Variants in PTPRN2 observed in about 807,000 individuals in gnomAD.
PTPRN2 encodes the protein protein tyrosine phosphatase receptor type N2.
A neutral mutation model predicts 118.8 loss-of-function variants in PTPRN2; 74 were observed. The observed-to-expected ratio is 0.62, with a 90% CI of 0.52 to 0.76. PTPRN2 has a LOEUF of 0.76. Ranked by LOEUF, PTPRN2 falls within the 30% of genes least tolerant of loss-of-function variation. PTPRN2 has a pLI of 0.00. For missense variants in PTPRN2, 1,481 were observed against 1,394.4 expected (o/e 1.06, Z -0.99); for synonymous variants, 641 against 608.0 (o/e 1.05, Z -0.80).
intron 11 of PTPRN2, among the ~76,000 whole-genome samples, chr7:158,066,983 G>A (rs1386003539): frequency 2.0e-5 from 3 of 152,152 alleles, no homozygotes; most frequent in Non-Finnish European, 4.4e-5. Context: ...ATTACAGTAG[G>A]GAGTAGTTAT....
intron 3 of PTPRN2, among the ~76,000 whole-genome samples, chr7:158,258,260 C>T (rs73176136): frequency 0.24 from 36,126 of 152,126 alleles, 4,641 homozygotes; most frequent in Middle Eastern, 0.32. Flanking sequence ...GAACACAGGC[C>T]GTCCTGAATC....
intron 11 of PTPRN2, among the ~76,000 whole-genome samples, chr7:157,928,434 A>G (rs1273409312): frequency 6.6e-6 from 1 of 152,128 alleles, no homozygotes; most frequent in East Asian, 1.9e-4. Flanking sequence ...GAAAAATGGT[A>G]GGCCCTGAAC....
intron 19 of PTPRN2, among the ~76,000 whole-genome samples, chr7:157,574,104 T>G (rs1375935347): frequency 6.6e-6 from 1 of 152,188 alleles, no homozygotes; most frequent in African/African-American, 2.4e-5. Flanking sequence ...GCCGTCTCAT[T>G]TGACTCCATC....
intron 9 of PTPRN2, among the ~76,000 whole-genome samples, chr7:158,116,334 C>A (rs189127337): frequency 7.2e-5 from 11 of 152,220 alleles, no homozygotes; most frequent in Non-Finnish European, 1.3e-4. Context: ...TCCCACCTGA[C>A]AACACTGTGC....
chr7:157,594,284 G>A (rs958732101), intron 17 of PTPRN2, among the ~76,000 whole-genome samples: 1 of 152,254 alleles, frequency 6.6e-6, no homozygotes, highest in South Asian at 2.1e-4. Context: ...GGAATAGGAA[G>A]AGCCTGGGGC....
chr7:158,311,188 A>G (rs1170338406), intron 3 of PTPRN2, among the ~76,000 whole-genome samples: 2 of 152,228 alleles, frequency 1.3e-5, no homozygotes. Flanking sequence ...CCCGGATGCC[A>G]TCCCAGCCAG....
intron 12 of PTPRN2, among the ~76,000 whole-genome samples, chr7:157,844,832 G>A (rs1163531577): frequency 6.6e-6 from 1 of 152,240 alleles, no homozygotes; most frequent in Non-Finnish European, 1.5e-5. Flanking sequence ...GTTAGCATCT[G>A]TGGTGTTCTG....
At chr7:157,709,808 C>A (rs1001106626) in intron 12 of PTPRN2, among the ~76,000 whole-genome samples, 2 of 152,198 alleles carry the variant, frequency 1.3e-5, no homozygotes. Flanking sequence ...ACATACAAGT[C>A]GGATATTCTG....
chr7:158,123,956 A>C (rs1258415076), intron 9 of PTPRN2, among the ~76,000 whole-genome samples: 1 of 148,654 alleles, frequency 6.7e-6, no homozygotes, highest in African/African-American at 2.5e-5. Context: ...ACCCAGGCGG[A>C]GCTGGTTCTC....
intron 11 of PTPRN2, among the ~76,000 whole-genome samples, chr7:157,908,105 C>T (rs779401254): frequency 6.6e-6 from 1 of 152,352 alleles, no homozygotes; most frequent in East Asian, 1.9e-4. Context: ...CACATGGGAC[C>T]GGCCGGCGTC....
intron 11 of PTPRN2, among the ~76,000 whole-genome samples, chr7:158,050,925 C>A (rs1809277100): frequency 6.6e-6 from 1 of 152,236 alleles, no homozygotes; most frequent in Non-Finnish European, 1.5e-5. Context: ...GTGCTCTCCC[C>A]ACGGCAGGAG....
At chr7:158,532,682 G>C (rs1485190758) in intron 1 of PTPRN2, 1 of 532,590 alleles carries the variant, frequency 1.9e-6, no homozygotes, top group Non-Finnish European at 3.9e-6. Flanking sequence ...CATGGAACAT[G>C]GCAAAAAATA....
chr7:157,942,803 A>C (rs946982669), intron 11 of PTPRN2, among the ~76,000 whole-genome samples: 1 of 152,130 alleles, frequency 6.6e-6, no homozygotes, highest in Non-Finnish European at 1.5e-5. Flanking sequence ...GATGACAGGC[A>C]GTGGCAGGGG....
At chr7:157,589,542 G>A (rs999247397) in intron 17 of PTPRN2, among the ~76,000 whole-genome samples, 5 of 152,130 alleles carry the variant, frequency 3.3e-5, no homozygotes, top group Admixed American at 6.5e-5. Context: ...TCCTCCTCTC[G>A]TCTTCCTTCC....
chr7:158,269,759 GACAGAGGA>G (rs1241005554), intron 3 of PTPRN2, among the ~76,000 whole-genome samples: 1 of 151,684 alleles, frequency 6.6e-6, no homozygotes, highest in Non-Finnish European at 1.5e-5. Context: ...GAGAGACAGA[GACAGAGGA>G]ACAGAGACAG....
chr7:158,167,232 G>C lies in PTPRN2; in HGVS notation c.609C>G (p.Thr203=), dbSNP rs563582910. 1 of 1,613,306 alleles carries C rather than the reference G, an allele frequency of 6.2e-7. No homozygotes were observed. The highest frequency in any genetic ancestry group is 1.7e-5 in the Admixed American group (1 of 59,982). Residue 203 remains threonine, a synonymous_variant, in exon 6 of 23, where the codon ACC becomes ACG. Coordinates refer to ENST00000389418, the MANE Select transcript of PTPRN2 (RefSeq NM_002847.5). ...LTYVAHTSAL[T]YPPGSRTQLR... is the part of the protein sequence containing the mutation. ...GCTGGGTCCGGGACCCGGGAGGGTAGGTCAGCGCAGACGTGTGGGCCACAT... is the reference window on the plus strand; with the variant it reads ...GCTGGGTCCGGGACCCGGGAGGGTACGTCAGCGCAGACGTGTGGGCCACAT...
intron 1 of PTPRN2, among the ~76,000 whole-genome samples, chr7:158,500,300 T>C (rs968208241): frequency 1.3e-5 from 2 of 152,222 alleles, no homozygotes; most frequent in African/African-American, 2.4e-5. Context: ...TTTAGGAGGA[T>C]AGTCTGAGGT....
At chr7:157,679,468 CA>C (rs903724152) in intron 13 of PTPRN2, among the ~76,000 whole-genome samples, 4 of 152,140 alleles carry the variant, frequency 2.6e-5, no homozygotes, top group Admixed American at 2.0e-4. Context: ...ATAGGTAAGG[CA>C]AACAAAAATA....
At chr7:158,115,345 A>G (rs1816644281) in intron 9 of PTPRN2, among the ~76,000 whole-genome samples, 1 of 152,152 alleles carries the variant, frequency 6.6e-6, no homozygotes. Flanking sequence ...GGACATGGTC[A>G]TAGACTGCGA....
Sources: gnomAD v4.1 joint callset for allele counts (sites outside exome capture counted in the v4.1 genomes callset) on GRCh38, gnomAD v4.1.1 for gene constraint, MANE v1.5 for transcripts, NCBI Gene and HGNC (gene_info 2026-07-23, HGNC 2026-07-21) for gene names.